ACSF3: variants seen among roughly 807,000 people sequenced by gnomAD.
The protein encoded by ACSF3 is malonate--CoA ligase ACSF3, mitochondrial.
ACSF3 carries 78 observed loss-of-function variants against 53.2 expected under a neutral mutation model. The observed-to-expected ratio is 1.47, with a 90% CI of 1.22 to 1.77. The LOEUF (loss-of-function observed/expected upper bound fraction) is 1.77, where lower values mean the gene tolerates loss of function less well. ACSF3 is among the 40% of genes most tolerant of loss of function. The pLI, the probability that ACSF3 is intolerant of heterozygous loss-of-function variation, is 0.00. For missense variants in ACSF3, 937 were observed against 771.1 expected, an observed-to-expected ratio of 1.22 and a Z score of -2.55; for synonymous variants, 414 against 333.1, an observed-to-expected ratio of 1.24 and a Z score of -2.65.
intron 8 of ACSF3, among the ~76,000 whole-genome samples, chr16:89,139,125 T>C (rs540058710): frequency 2.0e-5 from 3 of 152,346 alleles, no homozygotes; most frequent in African/African-American, 7.2e-5. Flanking sequence ...ATTGAGACTA[T>C]GGAGTCGCCG....
chr16:89,114,539 C>T (rs778868574), intron 6 of ACSF3, 52 bp downstream of exon 6: 20 of 1,601,992 alleles, frequency 1.2e-5, no homozygotes, highest in South Asian at 8.8e-5. Context: ...TCTGAGCCCC[C>T]CAAGGTGGGC....
intron 8 of ACSF3, chr16:89,141,366 G>T: frequency 8.1e-7 from 1 of 1,228,566 alleles, no homozygotes; most frequent in Non-Finnish European, 1.1e-6. Context: ...CTAGAACAAA[G>T]CCTGACATGT....
chr16:89,134,709 G>T (rs1910063139), intron 8 of ACSF3, among the ~76,000 whole-genome samples: 1 of 152,208 alleles, frequency 6.6e-6, no homozygotes, highest in Non-Finnish European at 1.5e-5. Context: ...ATTGGCTATT[G>T]TTTACCTCCT....
chr16:89,094,178 C>G (rs1048877993), intron 1 of ACSF3, among the ~76,000 whole-genome samples, 182 bp downstream of exon 1: 1 of 151,894 alleles, frequency 6.6e-6, no homozygotes, highest in South Asian at 2.1e-4. Context: ...CCGAGCCTCT[C>G]GTGTCCGGTG....
rs770503655 is a variant in ACSF3, at chr16:89,133,136, G to C, written c.1240G>C (p.Val414Leu). The C allele has an allele frequency of 2.5e-6, 4 of 1,613,732 alleles. No individual in the cohort carries two copies. In the South Asian group the frequency reaches 3.3e-5, roughly 13 times the overall value. ...HAEGDERGTK[V>L]TPGFEEKEGE... ...CCTCCATGTTCTTCATCCTCCACAGGTGACCCCAGGGTTTGAAGAAAAGGA... is the reference window on the plus strand; with the variant it reads ...CCTCCATGTTCTTCATCCTCCACAGCTGACCCCAGGGTTTGAAGAAAAGGA... The change falls in exon 8 of 11, where the codon GTG (valine) becomes CTG (leucine). Residue 414 changes from valine (V) to leucine (L), a missense_variant and splice_region_variant. By Grantham distance (32) the Val-to-Leu change is conservative. Coordinates refer to ENST00000614302, the MANE Select transcript of ACSF3 (RefSeq NM_001243279.3).
intron 1 of ACSF3, among the ~76,000 whole-genome samples, chr16:89,096,029 C>T (rs774198512): frequency 6.6e-6 from 1 of 152,112 alleles, no homozygotes; most frequent in African/African-American, 2.4e-5. Flanking sequence ...ATCTCAGAAC[C>T]TGATGGCTAG....
chr16:89,102,470 CAA>C (rs1975460884), intron 3 of ACSF3, 132 bp from the exon 4 acceptor site: 26 of 1,057,726 alleles, frequency 2.5e-5, no homozygotes, highest in Non-Finnish European at 3.3e-5. Flanking sequence ...AGGGGAGCAA[CAA>C]AGAGCCAGCC....
chr16:89,126,225 C>G (rs912525031), intron 7 of ACSF3, among the ~76,000 whole-genome samples: 1 of 152,214 alleles, frequency 6.6e-6, no homozygotes, highest in African/African-American at 2.4e-5. Context: ...TCCTTTTCCT[C>G]TCCTTTTTAA....
Position 89,102,652 on chromosome 16 carries a change from C to T in ACSF3, c.715C>T (p.Leu239Phe). The change falls in exon 4 of 11, where the codon CTC becomes TTC. Residue 239 changes from leucine (L) to phenylalanine (F), a missense_variant. Physicochemically the swap from Leu to Phe is conservative, Grantham distance 22 (BLOSUM62 0). Transcript: ENST00000614302. ...KWAWTKDDVI[L>F]HVLPLHHVHG... ...GGCATGGACCAAAGACGACGTGATC[C>T]TCCACGTGCTCCCGCTGCACCACGT... 1.9e-6 allele frequency: 3 copies of T among 1,613,936 alleles called. No individual in the cohort carries two copies. Among genetic ancestry groups the T allele is most frequent in the Non-Finnish European group, 2.5e-6 (3 of 1,180,022 alleles).
chr16:89,106,484 G>A (rs940413550), intron 4 of ACSF3, among the ~76,000 whole-genome samples: 4 of 152,020 alleles, frequency 2.6e-5, no homozygotes, highest in Admixed American at 1.3e-4. Context: ...AGTAGAGACG[G>A]GGTTTCACTA....
intron 8 of ACSF3, among the ~76,000 whole-genome samples, chr16:89,137,008 C>A (rs549409834): frequency 6.6e-6 from 1 of 152,240 alleles, no homozygotes; most frequent in Non-Finnish European, 1.5e-5. Flanking sequence ...CAGAGACACA[C>A]GCGCACATTT....
At chr16:89,110,399 A>C (rs572871545) in intron 4 of ACSF3, among the ~76,000 whole-genome samples, 1 of 152,184 alleles carries the variant, frequency 6.6e-6, no homozygotes, top group East Asian at 1.9e-4. Context: ...TTTGTGAGAA[A>C]GATTATCCTT....
At chr16:89,129,908 T>G (rs1000197422) in intron 7 of ACSF3, among the ~76,000 whole-genome samples, 5 of 152,254 alleles carry the variant, frequency 3.3e-5, no homozygotes, top group African/African-American at 1.2e-4. Flanking sequence ...TTACTTACCC[T>G]CTGCCTTTAG....
chr16:89,097,456 C>G (rs748330717), intron 1 of ACSF3, among the ~76,000 whole-genome samples: 4 of 152,250 alleles, frequency 2.6e-5, no homozygotes, highest in Admixed American at 2.0e-4. Context: ...CCCTGTGGCT[C>G]TCAGCAGCGG....
intron 10 of ACSF3, chr16:89,151,060 A>G (rs1292252317): frequency 2.3e-6 from 3 of 1,288,798 alleles, no homozygotes; most frequent in East Asian, 1.1e-4. Flanking sequence ...AGGAGAGAAA[A>G]CAGCATTCTA....
chr16:89,121,174 G>A (rs1051479615), intron 7 of ACSF3, among the ~76,000 whole-genome samples: 3 of 152,374 alleles, frequency 2.0e-5, no homozygotes, highest in Non-Finnish European at 2.9e-5. Context: ...ACTCACACCC[G>A]GGCACACAGC....
chr16:89,145,877 C>A, intron 9 of ACSF3, 61 bp from the exon 10 acceptor site: 2 of 1,434,436 alleles, frequency 1.4e-6, no homozygotes, highest in South Asian at 1.1e-5. Context: ...TCCAGGCACT[C>A]TTCGGCCTGT....
At chr16:89,119,085 C>T (rs982505104) in intron 6 of ACSF3, among the ~76,000 whole-genome samples, 1 of 152,048 alleles carries the variant, frequency 6.6e-6, no homozygotes, top group Non-Finnish European at 1.5e-5. Context: ...GTGTGGGGGC[C>T]CCTCCCTGAA....
Position 89,098,734 on chromosome 16 carries a change from C to G in ACSF3, c.-50C>G, listed in dbSNP as rs1226874069. On this transcript the variant is annotated 5_prime_UTR_variant, in exon 2 of 11. Coordinates refer to ENST00000614302, the MANE Select transcript of ACSF3 (RefSeq NM_001243279.3). ...CGCTCTTGTGAACTGCGAACTTCCC[C>G]TTACCTCCTCTCTCTGGCTCGGGAG... The G allele has an allele frequency of 2.2e-6, 1 of 454,164 alleles. No individual in the cohort carries two copies. Among genetic ancestry groups the G allele is most frequent in the Admixed American group, 2.3e-5 (1 of 42,580 alleles). The allele number at this position is 454,164 out of a possible 1,614,324, so 28.1% of individuals were successfully genotyped here. A position where few individuals can be genotyped will look rare whatever the true frequency, so the allele number is the denominator to read the frequency against.
Sources: gnomAD v4.1 joint callset for allele counts (sites outside exome capture counted in the v4.1 genomes callset) on GRCh38, gnomAD v4.1.1 for gene constraint, MANE v1.5 for transcripts, NCBI Gene and HGNC (gene_info 2026-07-23, HGNC 2026-07-21) for gene names.